VPS53: variants seen among roughly 807,000 people sequenced by gnomAD.
VPS53 encodes the protein VPS53 subunit of GARP complex.
In VPS53, 70 loss-of-function variants were observed where a neutral mutation model predicts 107.0. The ratio of observed to expected loss-of-function variants is 0.65; its 90% CI spans 0.54 to 0.80. The LOEUF is 0.80. Ranked by LOEUF, VPS53 falls within the 30% of genes least tolerant of loss-of-function variation. VPS53 has a pLI of 0.00. For synonymous variants in VPS53, 409 were observed against 393.3 expected, an observed-to-expected ratio of 1.04 and a Z score of -0.47; for missense variants, 917 against 1,049.4, an observed-to-expected ratio of 0.87 and a Z score of 1.74.
chr17:536,069 C>G (rs1910035530), intron 18 of VPS53, among the ~76,000 whole-genome samples: 1 of 152,182 alleles, frequency 6.6e-6, no homozygotes, highest in African/African-American at 2.4e-5. Flanking sequence ...CCCTCACCAC[C>G]ACCTGGTATC....
chr17:699,479 C>CA (rs1255525999), intron 2 of VPS53, 99 bp from the exon 3 acceptor site: 2 of 935,826 alleles, frequency 2.1e-6, no homozygotes, highest in African/African-American at 1.7e-5. Context: ...TATGAAATCT[C>CA]AAAAAATTTA....
chr17:670,171 C>A (rs1202869229), intron 4 of VPS53, among the ~76,000 whole-genome samples: 1 of 151,922 alleles, frequency 6.6e-6, no homozygotes, highest in Non-Finnish European at 1.5e-5. Context: ...TTTAATCTGC[C>A]CCTACTGGAG....
At chr17:702,552 G>C (rs1014977959) in intron 2 of VPS53, among the ~76,000 whole-genome samples, 4 of 151,652 alleles carry the variant, frequency 2.6e-5, no homozygotes, top group Non-Finnish European at 5.9e-5. Flanking sequence ...TGTAATCCCA[G>C]CTACTCGGGA....
intron 11 of VPS53, among the ~76,000 whole-genome samples, chr17:614,560 G>A (rs746050768): frequency 1.3e-5 from 2 of 152,122 alleles, no homozygotes; most frequent in Non-Finnish European, 2.9e-5. Context: ...ATTTTCCAAC[G>A]CTGAAGGGAG....
intron 2 of VPS53, among the ~76,000 whole-genome samples, chr17:700,219 T>TATTGCA (rs1973145521): frequency 6.6e-6 from 1 of 152,166 alleles, no homozygotes; most frequent in South Asian, 2.1e-4. Context: ...ATCAACTACG[T>TATTGCA]ATTGCAATAT....
In VPS53 at chr17:582,611, G is replaced by C. The variant is rs565323724; in HGVS notation, c.1313+3659C>G. Among the ~76,000 whole-genome samples, 17 of 144,198 alleles carry C rather than the reference G, an allele frequency of 1.2e-4. 2 individuals carry two copies. Among genetic ancestry groups the C allele is most frequent in the African/African-American group, 4.3e-4 (17 of 39,420 alleles). The allele number at this position is 144,198 out of a possible 152,430, so 94.6% of individuals were successfully genotyped here. A position where few individuals can be genotyped will look rare whatever the true frequency, so the allele number is the denominator to read the frequency against. On this transcript the variant is annotated intron_variant, in intron 13 of 21. Transcript: ENST00000437048. ...AGGGAACTTCCCTCAGAACCTCAAC[G>C]CAGTCCCAGAGAAACTCCCTCAGAC...
At chr17:547,545 G>A (rs1180936076) in intron 17 of VPS53, among the ~76,000 whole-genome samples, 1 of 152,174 alleles carries the variant, frequency 6.6e-6, no homozygotes, top group African/African-American at 2.4e-5. Context: ...GAGGTACGGG[G>A]TTTCTTTTTG....
At chr17:648,267 G>T (rs759476556) in intron 7 of VPS53, among the ~76,000 whole-genome samples, 1 of 152,190 alleles carries the variant, frequency 6.6e-6, no homozygotes, top group Non-Finnish European at 1.5e-5. Flanking sequence ...TAAAAATAAG[G>T]CCGGGCACGG....
chr17:598,802 C>G (rs1055090217), intron 12 of VPS53, among the ~76,000 whole-genome samples: 6 of 124,920 alleles, frequency 4.8e-5, no homozygotes, highest in Non-Finnish European at 1.0e-4. Flanking sequence ...CCTCTCTGCC[C>G]GGCAGCCACC....
chr17:672,063 C>T (rs946774190), intron 4 of VPS53, among the ~76,000 whole-genome samples: 1 of 147,970 alleles, frequency 6.8e-6, no homozygotes, highest in South Asian at 2.2e-4. Flanking sequence ...AGCTAGGTTC[C>T]CCAGGAAGGG....
intron 8 of VPS53, among the ~76,000 whole-genome samples, chr17:628,774 A>G (rs944378831): frequency 3.3e-5 from 5 of 152,208 alleles, no homozygotes; most frequent in African/African-American, 9.6e-5. Context: ...CATGTGTTTC[A>G]CAATAGTGAA....
intron 11 of VPS53, among the ~76,000 whole-genome samples, chr17:622,534 A>T (rs971250130): frequency 6.6e-6 from 1 of 151,878 alleles, no homozygotes; most frequent in Non-Finnish European, 1.5e-5. Context: ...ACTCGAGGAG[A>T]CGGATGAGTC....
Position 666,918 on chromosome 17 carries a change from C to CA in VPS53, c.286-5024dup, listed in dbSNP as rs933370392. On this transcript the variant is annotated intron_variant, in intron 4 of 21. Transcript: ENST00000437048. The stretch of plus-strand genomic sequence containing the variant: ...TAGGCGACAGAGCAAGACTCCATCT[C>CA]AAAAAAAAAAATGAAGACAGCTGCT... Among the ~76,000 whole-genome samples the CA allele has an allele frequency of 2.1e-3, 302 of 145,414 alleles. 2 individuals are homozygous for CA. The highest frequency in any genetic ancestry group is 5.7e-3 in the African/African-American group (225 of 39,800).
At position 586,437 on chromosome 17, in the gene VPS53, A is replaced by G. The variant is rs891272318; in HGVS notation, c.1219-73T>C. ...AATGTTCAAGAATTTTTTTAAAAAC[A>G]TCATTTCAAAGTTCATTCCTAAGTC... On this transcript the variant is annotated intron_variant, in intron 12 of 21. Transcript: ENST00000437048. 2.2e-5 allele frequency: 31 copies of G among 1,415,422 alleles called. No homozygotes were observed. The East Asian group carries it at 7.3e-4, about 33-fold the overall frequency. The allele number at this position is 1,415,422 out of a possible 1,614,324, so 87.7% of individuals were successfully genotyped here.
At chr17:659,628 C>T (rs1971365941) in intron 5 of VPS53, among the ~76,000 whole-genome samples, 1 of 152,160 alleles carries the variant, frequency 6.6e-6, no homozygotes, top group African/African-American at 2.4e-5. Flanking sequence ...TCATCTATGA[C>T]TCTTCCTGGT....
intron 12 of VPS53, 112 bp from the exon 13 acceptor site, chr17:586,476 T>C (rs1967325522): frequency 2.0e-6 from 2 of 1,023,728 alleles, no homozygotes; most frequent in Non-Finnish European, 2.9e-6. Context: ...GATAAGAGAG[T>C]ACTCAATGTA....
intron 17 of VPS53, among the ~76,000 whole-genome samples, chr17:546,734 C>G (rs1911227337): frequency 6.6e-6 from 1 of 152,110 alleles, no homozygotes; most frequent in African/African-American, 2.4e-5. Flanking sequence ...TGTGGAGAAA[C>G]TGGATTCCTT....
chr17:570,734 G>T lies in VPS53; in HGVS notation c.1314-7989C>A, dbSNP rs115201913. On this transcript the variant is annotated intron_variant, in intron 13 of 21. Coordinates refer to ENST00000437048, the MANE Select transcript of VPS53 (RefSeq NM_001128159.3). The stretch of plus-strand genomic sequence containing the variant: ...TAAACTAACAACCTGTGATCCTAGG[G>T]CTATTCAAACAGGCCAACAAACAAG... Among the ~76,000 whole-genome samples, 1,400 of 152,214 alleles carry T rather than the reference G, an allele frequency of 9.2e-3. 29 individuals are homozygous for T. Among genetic ancestry groups the T allele is most frequent in the African/African-American group, 0.033 (1,356 of 41,526 alleles).
intron 13 of VPS53, among the ~76,000 whole-genome samples, chr17:566,871 G>A (rs1913571049): frequency 6.6e-6 from 1 of 151,952 alleles, no homozygotes; most frequent in African/African-American, 2.4e-5. Flanking sequence ...AGCTTCCTGA[G>A]TAGCTGGGAC....
Sources: gnomAD v4.1 joint callset for allele counts (sites outside exome capture counted in the v4.1 genomes callset) on GRCh38, gnomAD v4.1.1 for gene constraint, MANE v1.5 for transcripts, NCBI Gene and HGNC (gene_info 2026-07-23, HGNC 2026-07-21) for gene names.